Variants in ITGA1 observed in about 807,000 individuals in gnomAD.
ITGA1 encodes integrin subunit alpha 1, also known as integrin alpha-1.
ITGA1 carries 85 observed loss-of-function variants against 145.9 expected under a neutral mutation model. That is an observed-to-expected ratio of 0.58 (90% CI 0.49 to 0.70). The LOEUF is 0.70. Ranked by LOEUF, ITGA1 falls within the 30% of genes least tolerant of loss-of-function variation. ITGA1 has a pLI of 0.00. For synonymous variants in ITGA1, 520 were observed against 495.3 expected (o/e 1.05, Z -0.66); for missense variants, 1,351 against 1,418.7 (o/e 0.95, Z 0.77).
intron 1 of ITGA1, among the ~76,000 whole-genome samples, chr5:52,832,926 T>C (rs765864672): frequency 6.6e-6 from 1 of 152,022 alleles, no homozygotes; most frequent in Non-Finnish European, 1.5e-5. Context: ...GCATGATGGC[T>C]CATACCTGTA....
chr5:52,863,720 G>A (rs528654282), intron 3 of ITGA1, among the ~76,000 whole-genome samples: 136 of 152,208 alleles, frequency 8.9e-4, no homozygotes, highest in Non-Finnish European at 1.7e-3. Flanking sequence ...TTTAAAATTA[G>A]GCTAGAGATT....
At chr5:52,875,340 T>G (rs1423822372) in intron 6 of ITGA1, among the ~76,000 whole-genome samples, 2 of 152,154 alleles carry the variant, frequency 1.3e-5, no homozygotes, top group Admixed American at 6.5e-5. Context: ...AATATGATTG[T>G]AAATCTCATA....
intron 1 of ITGA1, among the ~76,000 whole-genome samples, chr5:52,822,361 G>A (rs1748892045): frequency 6.6e-6 from 1 of 152,148 alleles, no homozygotes; most frequent in Admixed American, 6.6e-5. Flanking sequence ...AGGGCACTGG[G>A]GATACAAAGA....
At position 52,869,124 on chromosome 5, in the gene ITGA1, C is replaced by A. The variant is rs59337949; in HGVS notation, c.624+3307C>A. ...GAATCTCTGAGGGTGGGGCTATAAGCCTGCATTATATATAAGCAACCCATA... is the reference window on the plus strand; with the variant it reads ...GAATCTCTGAGGGTGGGGCTATAAGACTGCATTATATATAAGCAACCCATA... On this transcript the variant is annotated intron_variant, in intron 6 of 28. Transcript: ENST00000282588. Among the ~76,000 whole-genome samples the A allele has an allele frequency of 9.4e-3, 1,427 of 152,214 alleles. 18 individuals are homozygous for A. Among genetic ancestry groups the A allele is most frequent in the South Asian group, 0.029 (139 of 4,824 alleles).
chr5:52,892,354 C>A (rs1750164704), intron 8 of ITGA1, among the ~76,000 whole-genome samples: 1 of 152,128 alleles, frequency 6.6e-6, no homozygotes, highest in South Asian at 2.1e-4. Context: ...TATTGACACG[C>A]ATGCAAAGCA....
intron 1 of ITGA1, among the ~76,000 whole-genome samples, chr5:52,814,571 G>A (rs1464097251): frequency 6.6e-6 from 1 of 152,148 alleles, no homozygotes; most frequent in African/African-American, 2.4e-5. Context: ...ATATAAATTA[G>A]TTGAGTAATA....
chr5:52,872,541 T>G (rs970201485), intron 6 of ITGA1, among the ~76,000 whole-genome samples: 2 of 148,940 alleles, frequency 1.3e-5, no homozygotes, highest in Non-Finnish European at 3.0e-5. Context: ...CCATTTCTCA[T>G]GCATCCTGCT....
intron 1 of ITGA1, among the ~76,000 whole-genome samples, chr5:52,816,269 G>T (rs182661965): frequency 6.6e-6 from 1 of 152,174 alleles, no homozygotes; most frequent in Non-Finnish European, 1.5e-5. Flanking sequence ...ATTCAGAAAG[G>T]AAACCAATAT....
chr5:52,935,753 T>G (rs1750956646), intron 23 of ITGA1, among the ~76,000 whole-genome samples: 1 of 152,192 alleles, frequency 6.6e-6, no homozygotes, highest in Non-Finnish European at 1.5e-5. Flanking sequence ...GCATAATACA[T>G]TTTACAGACA....
chr5:52,819,109 G>A (rs557512782), intron 1 of ITGA1, among the ~76,000 whole-genome samples: 74 of 152,228 alleles, frequency 4.9e-4, no homozygotes, highest in Admixed American at 1.2e-3. Context: ...ATAAACACAC[G>A]TGTGCATGTG....
At chr5:52,901,398 C>T (rs1249030170) in intron 11 of ITGA1, among the ~76,000 whole-genome samples, 1 of 152,170 alleles carries the variant, frequency 6.6e-6, no homozygotes, top group African/African-American at 2.4e-5. Context: ...ATGCTTTAAG[C>T]CACCAACTTG....
At chr5:52,803,262 T>C (rs1398948750) in intron 1 of ITGA1, 4 of 152,334 alleles carry the variant, frequency 2.6e-5, no homozygotes, top group Middle Eastern at 3.4e-3. Flanking sequence ...CACATATGTA[T>C]ATTTTTGTAC....
chr5:52,841,524 A>G (rs2111738585), intron 1 of ITGA1, among the ~76,000 whole-genome samples: 1 of 152,290 alleles, frequency 6.6e-6, no homozygotes, highest in Non-Finnish European at 1.5e-5. Context: ...GGATTCAGTT[A>G]TACTTTGAGT....
chr5:52,955,346 C>CAGATAGATAGAT lies in ITGA1; in HGVS notation c.*2933_*2944dup, dbSNP rs58090129. The CAGATAGATAGAT allele has an allele frequency of 4.7e-5, 7 of 148,236 alleles. No homozygotes were observed. The highest frequency in any genetic ancestry group is 2.2e-4 in the South Asian group (1 of 4,450). The allele number at this position is 148,236 out of a possible 1,614,324, so 9.2% of individuals were successfully genotyped here. A position where few individuals can be genotyped will look rare whatever the true frequency, so the allele number is the denominator to read the frequency against. On this transcript the variant is annotated 3_prime_UTR_variant, in exon 29 of 29. Transcript: ENST00000282588. Reference sequence around the variant, plus strand: ...CCACTGAGACAGATTACACGATAGACAGATAGATAGATAGATAGATAGATA... The same window carrying CAGATAGATAGAT: ...CCACTGAGACAGATTACACGATAGACAGATAGATAGATAGATAGATAGATAGATAGATAGATA...
chr5:52,815,357 T>C (rs1021671318), intron 1 of ITGA1, among the ~76,000 whole-genome samples: 2 of 152,204 alleles, frequency 1.3e-5, no homozygotes, highest in African/African-American at 2.4e-5. Flanking sequence ...ATACTTATTA[T>C]AAAACATTCA....
In ITGA1 at chr5:52,800,570, A is replaced by G. The variant is rs373725475; in HGVS notation, c.61+12156A>G. 75 of 1,613,564 alleles carry G rather than the reference A, an allele frequency of 4.6e-5. No homozygotes were observed. The highest frequency in any genetic ancestry group is 3.3e-4 in the Middle Eastern group (2 of 6,084). On this transcript the variant is annotated intron_variant, in intron 1 of 28. Transcript: ENST00000282588. ...TCCTCCACGGGCAGCGTGGGCAGCA[A>G]CCGGGTCCGCACTACCCTCACTCTC...
intron 1 of ITGA1, among the ~76,000 whole-genome samples, chr5:52,812,474 C>T (rs1366964244): frequency 6.6e-6 from 1 of 152,180 alleles, no homozygotes; most frequent in Non-Finnish European, 1.5e-5. Flanking sequence ...GAAGACATTA[C>T]AATTGGCTAG....
chr5:52,892,390 G>A (rs1202009271), intron 8 of ITGA1, among the ~76,000 whole-genome samples: 1 of 144,012 alleles, frequency 6.9e-6, no homozygotes, highest in Non-Finnish European at 1.5e-5. Context: ...CATTTCTGAT[G>A]GGAATAGTAA....
intron 15 of ITGA1, 136 bp downstream of exon 15, chr5:52,915,730 G>C: frequency 9.3e-7 from 1 of 1,074,214 alleles, no homozygotes. Context: ...ATTCAGTTGA[G>C]TGAGCTGGAA....
Sources: allele counts gnomAD v4.1 joint callset (sites outside exome capture counted in the v4.1 genomes callset), GRCh38; gene constraint gnomAD v4.1.1; transcripts MANE v1.5; gene names NCBI Gene and HGNC (gene_info 2026-07-23, HGNC 2026-07-21).